The following AUTS2 variants were observed in gnomAD, a reference collection of about 807,000 sequenced individuals.
AUTS2 encodes the protein autism susceptibility gene 2 protein.
Under a neutral mutation model 112.4 loss-of-function variants are expected in AUTS2, and 17 were observed. That is an observed-to-expected ratio of 0.15 (90% CI 0.10 to 0.23). AUTS2 has a LOEUF of 0.23. AUTS2 is among the 10% of genes least tolerant of loss of function. The pLI, the probability that AUTS2 is intolerant of heterozygous loss-of-function variation, is 1.00. For missense variants in AUTS2, 1,510 were observed against 1,701.6 expected, an observed-to-expected ratio of 0.89 and a Z score of 1.98; for synonymous variants, 751 against 702.7, an observed-to-expected ratio of 1.07 and a Z score of -1.09.
Position 70,117,452 on chromosome 7 carries a change from A to G in AUTS2, c.523-680A>G, listed in dbSNP as rs796643944. Among the ~76,000 whole-genome samples, 25 of 152,274 alleles carry G rather than the reference A, an allele frequency of 1.6e-4. 1 individual carries two copies. The highest frequency in any genetic ancestry group is 6.0e-4 in the African/African-American group (25 of 41,560). ...GACAGAAGAAAAAAGGTAAGAAATC[A>G]TAGTTGGTGTAATCTCACTTTAGTT... On this transcript the variant is annotated intron_variant, in intron 2 of 18. Transcript: ENST00000342771.
intron 2 of AUTS2, among the ~76,000 whole-genome samples, chr7:69,968,455 G>A (rs1260118238): frequency 1.4e-4 from 22 of 152,028 alleles, no homozygotes; most frequent in Admixed American, 1.4e-3. Flanking sequence ...TTCACTTACC[G>A]GGGCTGTTTG....
At chr7:69,858,396 G>A (rs1792829426) in intron 1 of AUTS2, among the ~76,000 whole-genome samples, 1 of 152,120 alleles carries the variant, frequency 6.6e-6, no homozygotes, top group South Asian at 2.1e-4. Context: ...AAGCTAAATA[G>A]GTGCTAAAAC....
At chr7:69,979,812 CAG>C (rs1301282415) in intron 2 of AUTS2, among the ~76,000 whole-genome samples, 6 of 152,182 alleles carry the variant, frequency 3.9e-5, no homozygotes, top group Non-Finnish European at 1.5e-5. Flanking sequence ...GATGCAGCAG[CAG>C]AGAGAGAAAA....
chr7:70,300,130 A>C (rs1041695270), intron 4 of AUTS2, among the ~76,000 whole-genome samples: 5 of 152,184 alleles, frequency 3.3e-5, no homozygotes, highest in Admixed American at 3.3e-4. Context: ...AGCTGTTATC[A>C]CCTAGGGCAG....
intron 1 of AUTS2, among the ~76,000 whole-genome samples, chr7:69,725,524 G>T (rs1017478885): frequency 5.3e-5 from 8 of 152,144 alleles, no homozygotes; most frequent in Non-Finnish European, 1.0e-4. Context: ...GCAAAAAAAG[G>T]CAGGGTTGAC....
chr7:70,752,389 C>T (rs192862090), intron 6 of AUTS2, among the ~76,000 whole-genome samples: 1 of 152,308 alleles, frequency 6.6e-6, no homozygotes, highest in East Asian at 1.9e-4. Context: ...CAGGTCTCTA[C>T]ATATCACATC....
At chr7:70,259,037 T>G (rs1787027968) in intron 4 of AUTS2, among the ~76,000 whole-genome samples, 1 of 152,190 alleles carries the variant, frequency 6.6e-6, no homozygotes, top group South Asian at 2.1e-4. Context: ...AGGAACTCAC[T>G]TTGACCTCTG....
intron 5 of AUTS2, among the ~76,000 whole-genome samples, chr7:70,612,181 T>A (rs1433983260): frequency 6.6e-6 from 1 of 152,228 alleles, no homozygotes; most frequent in African/African-American, 2.4e-5. Context: ...GCCTTCTTTG[T>A]TCTATAAAGA....
intron 1 of AUTS2, among the ~76,000 whole-genome samples, chr7:69,796,887 A>G (rs142632312): frequency 2.0e-5 from 3 of 152,156 alleles, no homozygotes; most frequent in African/African-American, 4.8e-5. Flanking sequence ...GATTTGTGCT[A>G]TTTGCCCTGA....
At chr7:70,123,176 G>A (rs373453356) in intron 3 of AUTS2, among the ~76,000 whole-genome samples, 3 of 152,156 alleles carry the variant, frequency 2.0e-5, no homozygotes, top group South Asian at 2.1e-4. Context: ...ATGTTCGGCC[G>A]AGATGAAAGC....
At chr7:69,656,892 T>TG (rs372666434) in intron 1 of AUTS2, among the ~76,000 whole-genome samples, 1 of 152,282 alleles carries the variant, frequency 6.6e-6, no homozygotes, top group African/African-American at 2.4e-5. Context: ...TCAGGGCTCA[T>TG]GGAGAAGTCA....
At chr7:70,355,835 CAT>C (rs1331241134) in intron 4 of AUTS2, among the ~76,000 whole-genome samples, 1 of 152,142 alleles carries the variant, frequency 6.6e-6, no homozygotes, top group Non-Finnish European at 1.5e-5. Context: ...GCTGTAAAAT[CAT>C]GTGCTTCTGG....
chr7:70,754,209 G>C (rs991275269), intron 6 of AUTS2, among the ~76,000 whole-genome samples: 2 of 152,004 alleles, frequency 1.3e-5, no homozygotes, highest in Admixed American at 6.6e-5. Context: ...AATGAACATT[G>C]ATTGGGCAGG....
chr7:70,450,071 G>T (rs976112811), intron 5 of AUTS2, among the ~76,000 whole-genome samples: 52 of 152,290 alleles, frequency 3.4e-4, no homozygotes, highest in African/African-American at 1.2e-3. Flanking sequence ...ACTTCAGCAG[G>T]CAGCCTTCCT....
intron 5 of AUTS2, among the ~76,000 whole-genome samples, chr7:70,460,044 A>G (rs11760753): frequency 0.14 from 21,299 of 152,132 alleles, 1,531 homozygotes; most frequent in Middle Eastern, 0.17. Context: ...AGTCATCCCC[A>G]CAGCCCCGGG....
chr7:69,738,332 C>T lies in AUTS2; in HGVS notation c.309+138370C>T, dbSNP rs148708634. ...CACTTAATTTTTATTAAGCACTGTT[C>T]GTGGTATTTTATGTGAATTAATTTG... On this transcript the variant is annotated intron_variant, in intron 1 of 18. Coordinates refer to ENST00000342771, the MANE Select transcript of AUTS2 (RefSeq NM_015570.4). Among the ~76,000 whole-genome samples the T allele has an allele frequency of 1.5e-3, 221 of 151,934 alleles. 1 individual carries two copies. The highest frequency in any genetic ancestry group is 3.4e-3 in the Middle Eastern group (1 of 294).
intron 5 of AUTS2, among the ~76,000 whole-genome samples, chr7:70,563,707 C>T (rs74601038): frequency 0.012 from 1,754 of 152,224 alleles, 25 homozygotes; most frequent in Middle Eastern, 0.054. Flanking sequence ...CAGAGAAAAG[C>T]GGTGGAAATT....
intron 4 of AUTS2, among the ~76,000 whole-genome samples, chr7:70,380,729 T>C (rs1793329255): frequency 6.6e-6 from 1 of 152,218 alleles, no homozygotes. Flanking sequence ...AAATATCAAA[T>C]TGTGTCTGAT....
At chr7:69,799,019 C>T (rs1679941566) in intron 1 of AUTS2, among the ~76,000 whole-genome samples, 1 of 151,574 alleles carries the variant, frequency 6.6e-6, no homozygotes, top group African/African-American at 2.4e-5. Context: ...TATAAGTACA[C>T]ACATACACAC....
Sources: gnomAD v4.1 joint callset for allele counts (sites outside exome capture counted in the v4.1 genomes callset) on GRCh38, gnomAD v4.1.1 for gene constraint, MANE v1.5 for transcripts, NCBI Gene and HGNC (gene_info 2026-07-23, HGNC 2026-07-21) for gene names.